The following FRMD6 variants were observed in gnomAD, a reference collection of about 807,000 sequenced individuals.
The protein encoded by FRMD6 is FERM domain-containing protein 6.
A neutral mutation model predicts 73.2 loss-of-function variants in FRMD6; 37 were observed. That is an observed-to-expected ratio of 0.51 (90% CI 0.39 to 0.66). The LOEUF (loss-of-function observed/expected upper bound fraction) is 0.66. Among genes scored for constraint, FRMD6 ranks in the 30% least tolerant of loss-of-function variants. The probability of loss-of-function intolerance (pLI) is 0.00; values close to 1 mark genes in which losing one functional copy is unlikely to be tolerated. For synonymous variants in FRMD6, 273 were observed against 282.2 expected (o/e 0.97, Z 0.33); for missense variants, 714 against 780.5 (o/e 0.91, Z 1.02).
Position 51,492,916 on chromosome 14 carries a change from C to T in FRMD6, c.-210+3496C>T, listed in dbSNP as rs182192618. On this transcript the variant is annotated intron_variant, in intron 1 of 14. Transcript: ENST00000356218. Reference sequence around the variant, plus strand: ...AAGTTGTTTCCCTTATTCCATGCTGCGTCCACCATGGCGCCTGGATTACAA... The same window carrying T: ...AAGTTGTTTCCCTTATTCCATGCTGTGTCCACCATGGCGCCTGGATTACAA... Among the ~76,000 whole-genome samples, 534 of 152,292 alleles carry T rather than the reference C, an allele frequency of 3.5e-3. 13 individuals are homozygous for T. Among genetic ancestry groups the T allele is most frequent in the Admixed American group, 0.032 (494 of 15,306 alleles).
chr14:51,411,084 T>C, the FRMD6 span, among the ~76,000 whole-genome samples: 5 of 152,196 alleles, frequency 3.3e-5, no homozygotes, highest in African/African-American at 1.2e-4. Flanking sequence ...TTTTATACCA[T>C]GTGTTCCCTC....
At chr14:51,454,372 A>C in the FRMD6 span, 1 of 152,234 alleles carries the variant, frequency 6.6e-6, no homozygotes, top group South Asian at 2.1e-4. Flanking sequence ...TGTCAACCAC[A>C]GTTAACATTT....
chr14:51,651,560 G>C (rs982543919), upstream of FRMD6: 2 of 152,286 alleles, frequency 1.3e-5, no homozygotes, highest in Non-Finnish European at 2.9e-5. Context: ...CCACAGCAGG[G>C]GGAAAGGCCC....
intron 1 of FRMD6, among the ~76,000 whole-genome samples, chr14:51,674,838 ATAGG>A (rs1295931547): frequency 6.6e-6 from 1 of 152,078 alleles, no homozygotes; most frequent in African/African-American, 2.4e-5. Context: ...GATCCAGTAA[ATAGG>A]TAGGTCAAAT....
At chr14:51,669,451 T>A (rs974081858) in intron 1 of FRMD6, among the ~76,000 whole-genome samples, 1 of 152,232 alleles carries the variant, frequency 6.6e-6, no homozygotes, top group Non-Finnish European at 1.5e-5. Context: ...TCAAAGTGGC[T>A]GTATTATTTA....
At chr14:51,653,688 A>G (rs1566533058) in intron 1 of FRMD6, among the ~76,000 whole-genome samples, 2 of 152,324 alleles carry the variant, frequency 1.3e-5, no homozygotes, top group South Asian at 2.1e-4. Flanking sequence ...TTTGTAGTAT[A>G]AAACTTAACA....
At chr14:51,458,250 C>A in the FRMD6 span, among the ~76,000 whole-genome samples, 1 of 152,124 alleles carries the variant, frequency 6.6e-6, no homozygotes, top group Non-Finnish European at 1.5e-5. Context: ...TCTTGCATGG[C>A]CCCTTTCCCA....
At chr14:51,617,798 TTTC>T (rs1162945716) in intron 2 of FRMD6, among the ~76,000 whole-genome samples, 1 of 152,170 alleles carries the variant, frequency 6.6e-6, no homozygotes. Context: ...CTAACTTATT[TTTC>T]TTCTTTAAAC....
chr14:51,558,983 G>A (rs888345442), intron 1 of FRMD6, among the ~76,000 whole-genome samples: 2 of 152,152 alleles, frequency 1.3e-5, no homozygotes, highest in African/African-American at 4.8e-5. Flanking sequence ...CAAAAAGTAA[G>A]CTCTAAGCAA....
At chr14:51,615,740 T>G (rs1890684521) in intron 2 of FRMD6, among the ~76,000 whole-genome samples, 2 of 152,146 alleles carry the variant, frequency 1.3e-5, no homozygotes, top group South Asian at 4.1e-4. Context: ...TTGAAAATAA[T>G]GTACAGGAGA....
the FRMD6 span, among the ~76,000 whole-genome samples, chr14:51,461,528 A>G: frequency 1.3e-5 from 2 of 152,240 alleles, no homozygotes; most frequent in Admixed American, 6.5e-5. Context: ...TGAAACCACT[A>G]TGAATAATAC....
chr14:51,704,712 A>T (rs766315356), intron 5 of FRMD6, 37 bp from the exon 6 acceptor site: 1 of 1,554,918 alleles, frequency 6.4e-7, no homozygotes, highest in Non-Finnish European at 8.8e-7. Flanking sequence ...GGATTATTCC[A>T]TCAAAATGTG....
intron 1 of FRMD6, among the ~76,000 whole-genome samples, chr14:51,501,715 T>C (rs1596501730): frequency 6.6e-6 from 1 of 152,296 alleles, no homozygotes; most frequent in African/African-American, 2.4e-5. Context: ...ACAATATATA[T>C]ATATATCCTT....
At chr14:51,595,255 T>C (rs1889646713) in intron 2 of FRMD6, among the ~76,000 whole-genome samples, 2 of 152,238 alleles carry the variant, frequency 1.3e-5, no homozygotes, top group Admixed American at 1.3e-4. Flanking sequence ...GTACCACTTT[T>C]AGGCTAAGGC....
chr14:51,696,997 A>G (rs1895988808), intron 2 of FRMD6, among the ~76,000 whole-genome samples: 1 of 152,190 alleles, frequency 6.6e-6, no homozygotes, highest in Non-Finnish European at 1.5e-5. Context: ...GGCTATTATC[A>G]AAAAGACAAA....
chr14:51,647,418 T>C (rs762453529), upstream of FRMD6, among the ~76,000 whole-genome samples: 2 of 152,224 alleles, frequency 1.3e-5, no homozygotes, highest in Non-Finnish European at 2.9e-5. Context: ...TCTCTTTGGG[T>C]ACTTTATTTT....
chr14:51,691,588 ATTTTTTTTTTTTTT>A (rs758677611), intron 2 of FRMD6, among the ~76,000 whole-genome samples: 1 of 75,150 alleles, frequency 1.3e-5, no homozygotes, highest in Non-Finnish European at 2.8e-5. Context: ...TTTGATTTTG[ATTTTTTTTTTTTTT>A]TTTTTTTTTT....
chr14:51,446,231 C>G, the FRMD6 span, among the ~76,000 whole-genome samples: 3 of 152,162 alleles, frequency 2.0e-5, no homozygotes, highest in African/African-American at 7.2e-5. Context: ...TGAGCTGGGG[C>G]AGTGGTAGAA....
chr14:51,556,390 A>G (rs1280644543), intron 1 of FRMD6, among the ~76,000 whole-genome samples: 1 of 152,230 alleles, frequency 6.6e-6, no homozygotes, highest in Non-Finnish European at 1.5e-5. Context: ...AACATTTCAT[A>G]GCCCCAGTTT....
Sources: gnomAD v4.1 joint callset for allele counts (sites outside exome capture counted in the v4.1 genomes callset) on GRCh38, gnomAD v4.1.1 for gene constraint, MANE v1.5 for transcripts, NCBI Gene and HGNC (gene_info 2026-07-23, HGNC 2026-07-21) for gene names.